DPP10: variants seen among roughly 807,000 people sequenced by gnomAD.
DPP10 encodes dipeptidyl peptidase like 10.
DPP10 carries 33 observed loss-of-function variants against 120.9 expected under a neutral mutation model. The observed-to-expected ratio is 0.27, with a 90% confidence interval of 0.21 to 0.37. The LOEUF (loss-of-function observed/expected upper bound fraction) is 0.37. DPP10 is among the 10% of genes least tolerant of loss of function. DPP10 has a pLI of 1.00. For synonymous variants in DPP10, 337 were observed against 326.1 expected (o/e 1.03, Z -0.36); for missense variants, 816 against 942.8 (o/e 0.87, Z 1.76).
chr2:115,269,233 C>G (rs2059590714), intron 1 of DPP10, among the ~76,000 whole-genome samples: 1 of 152,158 alleles, frequency 6.6e-6, no homozygotes, highest in Non-Finnish European at 1.5e-5. Context: ...TTTTAAACAA[C>G]TCAGGATTGG....
chr2:114,830,334 A>G (rs1303080221), intron 1 of DPP10, among the ~76,000 whole-genome samples: 1 of 151,962 alleles, frequency 6.6e-6, no homozygotes. Flanking sequence ...ATAGTCAAAG[A>G]TGACGCATGT....
chr2:114,484,119 C>T (rs1043339816), intron 1 of DPP10, among the ~76,000 whole-genome samples: 2 of 152,070 alleles, frequency 1.3e-5, no homozygotes, highest in Non-Finnish European at 2.9e-5. Flanking sequence ...ACTTTGGAGC[C>T]GCTGAACTCC....
intron 1 of DPP10, among the ~76,000 whole-genome samples, chr2:114,686,739 G>GA (rs1471707699): frequency 2.0e-5 from 3 of 151,802 alleles, no homozygotes; most frequent in Non-Finnish European, 4.4e-5. Flanking sequence ...CCTGAGCCAG[G>GA]AAAAAACGCA....
intron 1 of DPP10, among the ~76,000 whole-genome samples, chr2:114,875,511 A>T (rs2106577683): frequency 6.6e-6 from 1 of 152,264 alleles, no homozygotes; most frequent in African/African-American, 2.4e-5. Context: ...CTGTTGAGAA[A>T]CTAATAAGTT....
chr2:114,825,279 G>A (rs1686429686), intron 1 of DPP10, among the ~76,000 whole-genome samples: 2 of 152,200 alleles, frequency 1.3e-5, no homozygotes, highest in Non-Finnish European at 2.9e-5. Flanking sequence ...GGAGGAAAAT[G>A]TCATGAAAGA....
At chr2:115,425,214 A>G (rs562590906) in intron 3 of DPP10, among the ~76,000 whole-genome samples, 1 of 152,300 alleles carries the variant, frequency 6.6e-6, no homozygotes, top group African/African-American at 2.4e-5. Flanking sequence ...GGGTTTGCCA[A>G]CTTGCATGAG....
chr2:114,901,431 C>T (rs1485589009), intron 1 of DPP10, among the ~76,000 whole-genome samples: 1 of 152,052 alleles, frequency 6.6e-6, no homozygotes, highest in Non-Finnish European at 1.5e-5. Context: ...CTCCTGACCT[C>T]GTGATCTGCC....
At chr2:115,309,097 A>G in intron 1 of DPP10, 142 bp from the exon 2 acceptor site, 1 of 646,040 alleles carries the variant, frequency 1.5e-6, no homozygotes, top group Non-Finnish European at 2.7e-6. Flanking sequence ...GCACTTTTGA[A>G]TAATTAAATG....
intron 1 of DPP10, among the ~76,000 whole-genome samples, chr2:115,244,991 C>A (rs1393890207): frequency 6.6e-6 from 1 of 152,090 alleles, no homozygotes; most frequent in South Asian, 2.1e-4. Flanking sequence ...TATCCCTCAG[C>A]TCCCTCAGCC....
intron 5 of DPP10, among the ~76,000 whole-genome samples, chr2:115,670,476 G>T (rs1311785052): frequency 2.0e-5 from 3 of 151,958 alleles, no homozygotes; most frequent in African/African-American, 7.2e-5. Context: ...CCCAGTTTTT[G>T]TAAGCTTTTT....
intron 1 of DPP10, among the ~76,000 whole-genome samples, chr2:114,488,520 T>A (rs759660827): frequency 6.6e-6 from 1 of 152,168 alleles, no homozygotes; most frequent in African/African-American, 2.4e-5. Context: ...AAATGATAAA[T>A]GTTGAATTAG....
chr2:115,233,071 G>A (rs10206444), intron 1 of DPP10, among the ~76,000 whole-genome samples: 147,003 of 152,214 alleles, frequency 0.97, 71,026 homozygotes, highest in East Asian at 1. Context: ...GACTGTTTTT[G>A]AATGGACTTA....
At chr2:114,486,320 G>C (rs1681518864) in intron 1 of DPP10, among the ~76,000 whole-genome samples, 1 of 151,644 alleles carries the variant, frequency 6.6e-6, no homozygotes, top group Non-Finnish European at 1.5e-5. Flanking sequence ...ACATTTCCTT[G>C]TGGCCAAATT....
At chr2:115,371,491 G>A (rs2065408308) in intron 3 of DPP10, among the ~76,000 whole-genome samples, 1 of 152,168 alleles carries the variant, frequency 6.6e-6, no homozygotes, top group African/African-American at 2.4e-5. Flanking sequence ...TTACTTTATT[G>A]AATACCTTTT....
chr2:114,901,610 T>C (rs1259940470), intron 1 of DPP10, among the ~76,000 whole-genome samples: 2 of 152,210 alleles, frequency 1.3e-5, no homozygotes, highest in Non-Finnish European at 2.9e-5. Flanking sequence ...CATGTCCTAA[T>C]TGAAGAGGAC....
chr2:115,622,987 C>T (rs1398566911), intron 5 of DPP10, among the ~76,000 whole-genome samples: 8 of 152,038 alleles, frequency 5.3e-5, no homozygotes, highest in African/African-American at 7.2e-5. Context: ...GGACTACAGG[C>T]GCCCGCCCCC....
At chr2:115,812,037 A>G (rs1437464643) in intron 19 of DPP10, among the ~76,000 whole-genome samples, 1 of 152,202 alleles carries the variant, frequency 6.6e-6, no homozygotes, top group Admixed American at 6.5e-5. Context: ...GTATTTTCAA[A>G]TGCCTTATGC....
At chr2:114,900,027 A>G (rs903758333) in intron 1 of DPP10, among the ~76,000 whole-genome samples, 1 of 152,204 alleles carries the variant, frequency 6.6e-6, no homozygotes, top group Non-Finnish European at 1.5e-5. Context: ...TGCATTTTCA[A>G]TGCTGTATAA....
intron 7 of DPP10, among the ~76,000 whole-genome samples, chr2:115,716,666 T>C (rs1340096481): frequency 6.6e-6 from 1 of 152,114 alleles, no homozygotes; most frequent in Non-Finnish European, 1.5e-5. Context: ...GTGTACATTG[T>C]GTTTGAAGAA....
Sources: gnomAD v4.1 joint callset for allele counts (sites outside exome capture counted in the v4.1 genomes callset) on GRCh38, gnomAD v4.1.1 for gene constraint, MANE v1.5 for transcripts, NCBI Gene and HGNC (gene_info 2026-07-23, HGNC 2026-07-21) for gene names.